SLC39A11: variants seen among roughly 807,000 people sequenced by gnomAD.
SLC39A11 encodes solute carrier family 39 member 11.
In SLC39A11, 33 loss-of-function variants were observed where a neutral mutation model predicts 36.1. The observed-to-expected ratio is 0.91, with a 90% CI of 0.69 to 1.22. The LOEUF (loss-of-function observed/expected upper bound fraction) is 1.22. SLC39A11 is among the 50% of genes most tolerant of loss of function. SLC39A11 has a pLI of 0.00. For synonymous variants in SLC39A11, 166 were observed against 170.3 expected, an observed-to-expected ratio of 0.97 and a Z score of 0.20; for missense variants, 432 against 430.3, an observed-to-expected ratio of 1.00 and a Z score of -0.03.
chr17:72,866,360 C>T (rs1347754231), intron 5 of SLC39A11, among the ~76,000 whole-genome samples: 1 of 152,134 alleles, frequency 6.6e-6, no homozygotes, highest in Non-Finnish European at 1.5e-5. Flanking sequence ...CCCACTGATT[C>T]TAGGTTAGGT....
In SLC39A11 at chr17:72,892,514, G is replaced by A. The variant is rs1327696056; in HGVS notation, c.431-42710C>T. ...GAAAAAAAAGATAATTATCTTTCTG[G>A]GGTAGAAAAAGAATAAAGATAAATA... On this transcript the variant is annotated intron_variant, in intron 5 of 9. Coordinates refer to ENST00000255559, the MANE Select transcript of SLC39A11 (RefSeq NM_139177.4). Among the ~76,000 whole-genome samples, 6 of 152,066 alleles carry A rather than the reference G, an allele frequency of 3.9e-5. 1 individual carries two copies. Among genetic ancestry groups the A allele is most frequent in the Non-Finnish European group, 2.9e-5 (2 of 68,016 alleles).
chr17:72,924,289 A>C (rs2083900000), intron 5 of SLC39A11, among the ~76,000 whole-genome samples: 1 of 151,810 alleles, frequency 6.6e-6, no homozygotes, highest in South Asian at 2.1e-4. Context: ...ACCCTAGTAA[A>C]TCCTTTTAGT....
intron 4 of SLC39A11, among the ~76,000 whole-genome samples, chr17:72,978,308 TG>T (rs1406118942): frequency 1.3e-5 from 2 of 152,198 alleles, no homozygotes; most frequent in Non-Finnish European, 2.9e-5. Context: ...GTCACTGTGC[TG>T]GTGTTGGCGA....
intron 6 of SLC39A11, among the ~76,000 whole-genome samples, chr17:72,791,182 C>T (rs952839942): frequency 6.6e-6 from 1 of 152,212 alleles, no homozygotes; most frequent in African/African-American, 2.4e-5. Flanking sequence ...CGGCTGGGCA[C>T]AGTGGCTCAT....
At chr17:72,778,325 G>T (rs1023015375) in intron 6 of SLC39A11, among the ~76,000 whole-genome samples, 1 of 152,176 alleles carries the variant, frequency 6.6e-6, no homozygotes, top group Admixed American at 6.5e-5. Flanking sequence ...GGAGGCCCCG[G>T]TCTCAGCCCC....
chr17:72,782,459 C>T (rs1040391677), intron 6 of SLC39A11, among the ~76,000 whole-genome samples: 18 of 152,112 alleles, frequency 1.2e-4, no homozygotes, highest in Non-Finnish European at 5.9e-5. Flanking sequence ...CCTTGGCACA[C>T]ACTTTCTAGG....
At chr17:72,706,540 C>A (rs964391445) in intron 7 of SLC39A11, among the ~76,000 whole-genome samples, 2 of 152,194 alleles carry the variant, frequency 1.3e-5, no homozygotes, top group African/African-American at 4.8e-5. Context: ...GCTTAAAGGG[C>A]AGTGGCAAAA....
chr17:73,091,051 C>G (rs73353130), intron 1 of SLC39A11, among the ~76,000 whole-genome samples: 1,915 of 152,306 alleles, frequency 0.013, 41 homozygotes, highest in African/African-American at 0.043. Context: ...TCACCCCAGA[C>G]TTTCTGAATC....
At chr17:72,949,606 A>C (rs1485567803) in intron 4 of SLC39A11, among the ~76,000 whole-genome samples, 1 of 151,860 alleles carries the variant, frequency 6.6e-6, no homozygotes, top group Non-Finnish European at 1.5e-5. Flanking sequence ...GGTCTCTTTC[A>C]CACGTCTTTC....
intron 3 of SLC39A11, among the ~76,000 whole-genome samples, chr17:73,068,456 C>A (rs916073519): frequency 6.6e-6 from 1 of 152,112 alleles, no homozygotes; most frequent in African/African-American, 2.4e-5. Context: ...GCCATGGAGA[C>A]CACCCCAACA....
At chr17:72,844,042 C>T (rs1375845080) in intron 6 of SLC39A11, among the ~76,000 whole-genome samples, 1 of 151,812 alleles carries the variant, frequency 6.6e-6, no homozygotes, top group African/African-American at 2.4e-5. Context: ...AAAAAAAAAT[C>T]GATTCTCCAT....
At chr17:72,909,448 CATGCAACACGCTCTG>C (rs1163161773) in intron 5 of SLC39A11, among the ~76,000 whole-genome samples, 2 of 152,212 alleles carry the variant, frequency 1.3e-5, no homozygotes, top group African/African-American at 4.8e-5. Context: ...GACGGGTCTC[CATGCAACACGCTCTG>C]GAGAAAGCAA....
At chr17:73,081,670 C>CATATATGTATACATGTATGTAT (rs1568242944) in intron 3 of SLC39A11, among the ~76,000 whole-genome samples, 1 of 82,206 alleles carries the variant, frequency 1.2e-5, no homozygotes, top group Non-Finnish European at 2.3e-5. Flanking sequence ...CACACACACA[C>CATATATGTATACATGTATGTAT]ATATATATAC....
intron 4 of SLC39A11, among the ~76,000 whole-genome samples, chr17:72,949,061 C>CA (rs1255005978): frequency 2.1e-5 from 3 of 139,950 alleles, no homozygotes; most frequent in Admixed American, 1.6e-4. Context: ...TCTCAATTGG[C>CA]AAAAAATAGT....
intron 6 of SLC39A11, among the ~76,000 whole-genome samples, chr17:72,757,005 C>A (rs1292327999): frequency 8.4e-5 from 11 of 131,052 alleles, no homozygotes; most frequent in South Asian, 2.5e-4. Context: ...AAAAAAAAAA[C>A]CAACACAAAA....
intron 6 of SLC39A11, among the ~76,000 whole-genome samples, chr17:72,776,014 G>A (rs1371325081): frequency 2.0e-5 from 3 of 152,188 alleles, no homozygotes; most frequent in Non-Finnish European, 2.9e-5. Context: ...CCTGCCACAT[G>A]TTCCCTCTCC....
intron 5 of SLC39A11, among the ~76,000 whole-genome samples, chr17:72,911,904 G>A (rs79744439): frequency 0.52 from 79,301 of 151,606 alleles, 20,728 homozygotes; most frequent in African/African-American, 0.57. Context: ...TTGGCCTCCC[G>A]AAGTGCTGGG....
At chr17:73,034,664 G>A (rs536025543) in intron 3 of SLC39A11, among the ~76,000 whole-genome samples, 3 of 152,254 alleles carry the variant, frequency 2.0e-5, no homozygotes, top group East Asian at 3.9e-4. Flanking sequence ...GCACTCCGAT[G>A]AAAAAACATA....
chr17:72,903,233 T>C (rs1598352165), intron 5 of SLC39A11, among the ~76,000 whole-genome samples: 1 of 130,036 alleles, frequency 7.7e-6, no homozygotes, highest in African/African-American at 3.1e-5. Context: ...GGCACTGCAC[T>C]CCAGCCTGGG....
Sources: gnomAD v4.1 joint callset for allele counts (sites outside exome capture counted in the v4.1 genomes callset) on GRCh38, gnomAD v4.1.1 for gene constraint, MANE v1.5 for transcripts, NCBI Gene and HGNC (gene_info 2026-07-23, HGNC 2026-07-21) for gene names.